NEB: variants seen among roughly 807,000 people sequenced by gnomAD.
NEB encodes nemaline myopathy type 2.
In NEB, 512 loss-of-function variants were observed where a neutral mutation model predicts 952.2. That is an observed-to-expected ratio of 0.54 (90% CI 0.50 to 0.58). NEB has a LOEUF of 0.58. Among genes scored for constraint, NEB ranks in the 20% least tolerant of loss-of-function variants. The pLI is 0.00. For synonymous variants in NEB, 2,900 were observed against 3,149.8 expected, an observed-to-expected ratio of 0.92 and a Z score of 2.66; for missense variants, 8,428 against 9,231.1, an observed-to-expected ratio of 0.91 and a Z score of 3.56.
At position 151,618,389 on chromosome 2, in the gene NEB, T is replaced by C. The variant is rs2098275422; in HGVS notation, c.10962A>G (p.Gly3654=). 6.2e-7 allele frequency: 1 copy of C among 1,613,846 alleles called. No homozygotes were observed. Among genetic ancestry groups the C allele is most frequent in the African/African-American group, 1.3e-5 (1 of 74,928 alleles). The stretch of plus-strand genomic sequence containing the variant: ...GGTAGATAGTATCACTAAGTAATTC[T>C]CCAGCTCTCTTGGCCCTAACAACTT... ...SLEVVRAKRA[G]ELLSDTIYRQ... is the part of the protein sequence containing the mutation. Residue 3654 remains glycine, a synonymous_variant, in exon 74 of 182, where the codon GGA becomes GGG. Coordinates refer to ENST00000397345, the MANE Select transcript of NEB (RefSeq NM_001164508.2).
chr2:151,570,594 T>G lies in NEB; in HGVS notation c.17021A>C (p.Tyr5674Ser), dbSNP rs2096589360. The G allele has an allele frequency of 6.3e-7, 1 of 1,591,598 alleles. No individual in the cohort carries two copies. Among genetic ancestry groups the G allele is most frequent in the South Asian group, 1.1e-5 (1 of 87,236 alleles). ...CTTCATTTCATCCCAGCCCTCACGGTAAAGTTTCTGAAAAGGAGAAAAATA... is the reference window on the plus strand; with the variant it reads ...CTTCATTTCATCCCAGCCCTCACGGGAAAGTTTCTGAAAAGGAGAAAAATA... ...ANALNVSNKL[Y>S]REGWDEMKAG... is the part of the protein sequence containing the mutation. Residue 5674 changes from tyrosine to serine, a missense_variant, in exon 108 of 182, where the codon TAC (tyrosine) becomes TCC (serine). By Grantham distance (144) the Tyr-to-Ser change is moderately radical. Coordinates refer to ENST00000397345, the MANE Select transcript of NEB (RefSeq NM_001164508.2).
In NEB at chr2:151,560,599, GC is replaced by G; in HGVS notation, c.19306del (p.Ala6436ProfsTer53). 3 of 1,609,874 alleles carry G rather than the reference GC, an allele frequency of 1.9e-6. No homozygotes were observed. Among genetic ancestry groups the G allele is most frequent in the South Asian group, 1.1e-5 (1 of 89,994 alleles). On this transcript the variant is annotated frameshift_variant, in exon 124 of 182. Transcript: ENST00000397345. LOFTEE classifies it high-confidence loss of function. Reference protein sequence around the residue: ...LTHAKNQKHLASHIKYREEYE... With the variant: ...LTHAKNQKHLXSHIKYREEYE... ...TGTTTTTGCTTTACTTACATGGCTGGCCAGATGCTTCTGGTTCTTGGCGTGT... is the reference window on the plus strand; with the variant it reads ...TGTTTTTGCTTTACTTACATGGCTGGCAGATGCTTCTGGTTCTTGGCGTGT...
chr2:151,559,789 A>T (rs893374716), intron 124 of NEB, among the ~76,000 whole-genome samples: 1 of 152,098 alleles, frequency 6.6e-6, no homozygotes, highest in Non-Finnish European at 1.5e-5. Flanking sequence ...GGGTCCTCTC[A>T]GGGAGTAGGG....
rs1463179966 is a variant in NEB at position 151,725,522 on chromosome 2, C to T, written c.333G>A (p.Gln111=). ...GAGTATCTGTTGTGCTGGCGTATGG[C>T]TGTCCTTTTGTTTTCTCAAACTTCT... ...YKEKFEKTKG[Q]PYASTTDTPE... is the part of the protein sequence containing the mutation. Residue 111 remains glutamine, a synonymous_variant, in exon 6 of 182, where the codon CAG becomes CAA. Transcript: ENST00000397345. 1.9e-6 allele frequency: 3 copies of T among 1,613,670 alleles called. No individual in the cohort carries two copies. In the South Asian group the frequency reaches 3.3e-5, roughly 18 times the overall value.
At chr2:151,570,704 A>G in intron 107 of NEB, 103 bp from the exon 108 acceptor site, 1 of 979,148 alleles carries the variant, frequency 1.0e-6, no homozygotes, top group Non-Finnish European at 1.6e-6. Context: ...TTGAAGCCCA[A>G]GGACTTGAGA....
rs1341788760 is a variant in NEB at position 151,576,249 on chromosome 2, T to C, written c.16810A>G (p.Ser5604Gly). 1.9e-6 allele frequency: 3 copies of C among 1,611,382 alleles called. No individual in the cohort carries two copies. Among genetic ancestry groups the C allele is most frequent in the Non-Finnish European group, 1.7e-6 (2 of 1,178,144 alleles). ...TTCACCACAGGCGTCCGATAGACACTGTCACAAAAGATATTCTGGGCGTTT... is the reference window on the plus strand; with the variant it reads ...TTCACCACAGGCGTCCGATAGACACCGTCACAAAAGATATTCTGGGCGTTT... ...VKNAQNIFCD[S>G]VYRTPVVNLK... Residue 5604 changes from serine to glycine, a missense_variant, in exon 106 of 182, where the codon AGT becomes GGT. Ser to Gly is a moderately conservative substitution (Grantham distance 56, BLOSUM62 0). Coordinates refer to ENST00000397345, the MANE Select transcript of NEB (RefSeq NM_001164508.2).
intron 40 of NEB, 35 bp from the exon 41 acceptor site, chr2:151,666,436 A>AG: frequency 6.3e-7 from 1 of 1,588,746 alleles, no homozygotes; most frequent in Non-Finnish European, 8.6e-7. Context: ...GAAGTTGGCT[A>AG]GCATAGAAGT....
At chr2:151,494,764 T>A (rs1301910029) in intron 173 of NEB, among the ~76,000 whole-genome samples, 1 of 152,204 alleles carries the variant, frequency 6.6e-6, no homozygotes, top group East Asian at 1.9e-4. Flanking sequence ...TTCTTCTGCC[T>A]CAGCCTCCTG....
intron 105 of NEB, among the ~76,000 whole-genome samples, chr2:151,578,248 A>G (rs902263440): frequency 2.0e-5 from 3 of 150,312 alleles, no homozygotes; most frequent in Non-Finnish European, 4.5e-5. Context: ...GCCTTAGGTG[A>G]GTTAATGAAA....
intron 156 of NEB, among the ~76,000 whole-genome samples, chr2:151,517,479 TAGTA>T (rs1317123969): frequency 2.0e-5 from 3 of 152,252 alleles, no homozygotes; most frequent in African/African-American, 4.8e-5. Flanking sequence ...GGTCATGTGA[TAGTA>T]AGTTCTTTCC....
rs745779078 is a variant in NEB at position 151,614,301 on chromosome 2, C to T, written c.11576G>A (p.Arg3859Gln). 2.9e-5 allele frequency: 47 copies of T among 1,613,700 alleles called. No individual in the cohort carries two copies. The highest frequency in any genetic ancestry group is 5.3e-5 in the African/African-American group (4 of 74,914). ...LPDQNDVIQA[R>Q]KAYDLQSDAI... ...ATCACTCTGCAGGTCATAGGCCTTC[C>T]GAGCCTGAATGACGTCATTCTGATC... The change falls in exon 77 of 182, where the codon CGG (arginine) becomes CAG (glutamine). Residue 3859 changes from arginine (R) to glutamine (Q), a missense_variant. Transcript: ENST00000397345.
At position 151,630,745 on chromosome 2, in the gene NEB, C is replaced by T; in HGVS notation, c.9693G>A (p.Leu3231=). 1 of 1,610,716 alleles carries T rather than the reference C, an allele frequency of 6.2e-7. No individual in the cohort carries two copies. Among genetic ancestry groups the T allele is most frequent in the Non-Finnish European group, 8.5e-7 (1 of 1,178,300 alleles). The change falls in exon 67 of 182, where the codon TTG becomes TTA. Residue 3231 remains leucine (L), a synonymous_variant. Coordinates refer to ENST00000397345, the MANE Select transcript of NEB (RefSeq NM_001164508.2). Reference sequence around the variant, plus strand: ...TGTAGTTGATTTTGTTCTGCCTTGCCAACATAATCTCTGGTGTATCAGGCA... The same window carrying T: ...TGTAGTTGATTTTGTTCTGCCTTGCTAACATAATCTCTGGTGTATCAGGCA... ...HIMPDTPEIM[L]ARQNKINYSE...
chr2:151,680,233 T>C (rs1167260159), intron 30 of NEB, among the ~76,000 whole-genome samples: 1 of 152,208 alleles, frequency 6.6e-6, no homozygotes, highest in African/African-American at 2.4e-5. Context: ...TTATTCAGTT[T>C]TGCAAAGATC....
chr2:151,502,907 C>A, intron 166 of NEB, 22 bp from the exon 167 acceptor site: 1 of 1,423,436 alleles, frequency 7.0e-7, no homozygotes, highest in Non-Finnish European at 9.8e-7. Flanking sequence ...AAGAAAGTAC[C>A]CAGAGGACAT....
chr2:151,660,748 G>A (rs2099137574), intron 46 of NEB, among the ~76,000 whole-genome samples: 1 of 152,030 alleles, frequency 6.6e-6, no homozygotes, highest in Non-Finnish European at 1.5e-5. Flanking sequence ...AAACAGCTGT[G>A]GTTGTGTCAC....
At chr2:151,626,245 C>T (rs1360568784) in intron 70 of NEB, among the ~76,000 whole-genome samples, 1 of 151,654 alleles carries the variant, frequency 6.6e-6, no homozygotes, top group African/African-American at 2.4e-5. Context: ...CTCCCAAGTA[C>T]CTAAGACTAG....
intron 10 of NEB, 106 bp downstream of exon 10, chr2:151,717,310 G>A (rs2099761699): frequency 1.3e-6 from 1 of 782,630 alleles, no homozygotes; most frequent in African/African-American, 1.7e-5. Flanking sequence ...AATACTCCTA[G>A]TGTTTGTGTT....
intron 127 of NEB, 29 bp from the exon 128 acceptor site, chr2:151,552,805 T>C (rs1170620342): frequency 1.9e-6 from 3 of 1,538,838 alleles, no homozygotes; most frequent in African/African-American, 2.7e-5. Flanking sequence ...CAAGCCCATG[T>C]TGGACCATTC....
rs777589876 is a variant in NEB, at chr2:151,503,463, C to T, written c.23743-22G>A. ...TAACCTGTAGAAAATAATTAGAATA[C>T]CCAGAAAGGTAAAATGACCGTAAAT... On this transcript the variant is annotated intron_variant, in intron 165 of 181. Transcript: ENST00000397345. 7.3e-6 allele frequency: 11 copies of T among 1,510,250 alleles called. No homozygotes were observed. The South Asian group carries it at 1.1e-4, about 16-fold the overall frequency. The allele number at this position is 1,510,250 out of a possible 1,614,324, so 93.6% of individuals were successfully genotyped here.
Sources: allele counts gnomAD v4.1 joint callset (sites outside exome capture counted in the v4.1 genomes callset), GRCh38; gene constraint gnomAD v4.1.1; transcripts MANE v1.5; gene names NCBI Gene and HGNC (gene_info 2026-07-23, HGNC 2026-07-21).